Variants in TSC1 observed in about 807,000 individuals in gnomAD.
TSC1 encodes TSC complex subunit 1, also known as hamartin.
TSC1 carries 20 observed loss-of-function variants against 124.3 expected under a neutral mutation model. That is an observed-to-expected ratio of 0.16 (90% CI 0.11 to 0.23). The LOEUF is 0.23. Ranked by LOEUF, TSC1 falls within the 10% of genes least tolerant of loss-of-function variation. The pLI, the probability that TSC1 is intolerant of heterozygous loss-of-function variation, is 1.00. For synonymous variants in TSC1, 493 were observed against 539.1 expected (o/e 0.91, Z 1.19); for missense variants, 1,124 against 1,448.5 (o/e 0.78, Z 3.64).
At position 132,923,530 on chromosome 9, in the gene TSC1, G is replaced by T. The variant is rs1437837812; in HGVS notation, c.364-38C>A. The T allele has an allele frequency of 6.2e-7, 1 of 1,613,684 alleles. No individual in the cohort carries two copies. Among genetic ancestry groups the T allele is most frequent in the South Asian group, 1.1e-5 (1 of 91,068 alleles). The stretch of plus-strand genomic sequence containing the variant: ...AGGTCAAACAGGAAACGTCTGTCAG[G>T]CACTGGCACCAGGATCGGCATTGTA... On this transcript the variant is annotated intron_variant, in intron 5 of 22. Transcript: ENST00000298552. The surrounding 1 kb of genome is among the most constrained non-coding windows in gnomAD (Gnocchi z 4.2).
At position 132,896,071 on chromosome 9, in the gene TSC1, CAAAA is replaced by C; in HGVS notation, c.*160_*163del. On this transcript the variant is annotated 3_prime_UTR_variant, in exon 23 of 23. Coordinates refer to ENST00000298552, the MANE Select transcript of TSC1 (RefSeq NM_000368.5). The surrounding 1 kb of genome is among the most constrained non-coding windows in gnomAD (Gnocchi z 4.5). ...TCAAGAGGCATTTCAATGCCAGATC[CAAAA>C]ACCGTTCTGCATTCAGTCAGCTGTC... The C allele has an allele frequency of 1.7e-5, 18 of 1,060,146 alleles. No homozygotes were observed. Among genetic ancestry groups the C allele is most frequent in the African/African-American group, 4.6e-5 (3 of 64,626 alleles). 65.7% of individuals were successfully genotyped at this position (1,060,146 alleles called of 1,614,324 possible).
intron 8 of TSC1, among the ~76,000 whole-genome samples, chr9:132,914,480 T>C (rs1428066588): frequency 1.4e-4 from 22 of 152,166 alleles, no homozygotes; most frequent in Admixed American, 1.4e-3. Context: ...GTGTTCTTTA[T>C]TATGATTGGG....
chr9:132,942,748 TAA>T (rs1847806390), intron 1 of TSC1, among the ~76,000 whole-genome samples: 2 of 152,364 alleles, frequency 1.3e-5, no homozygotes, highest in Admixed American at 6.5e-5. Context: ...GCACGTGATA[TAA>T]GAGTGTTTTG....
intron 1 of TSC1, chr9:132,943,910 G>C (rs1366441380): frequency 6.6e-6 from 1 of 152,168 alleles, no homozygotes; most frequent in Non-Finnish European, 1.5e-5. Flanking sequence ...TGAACGCCTA[G>C]GAGGGGCTCT....
In TSC1 at chr9:132,893,622, G is replaced by A. The variant is rs1043359404; in HGVS notation, c.*2613C>T. The A allele has an allele frequency of 3.4e-5, 8 of 233,098 alleles. No homozygotes were observed. The highest frequency in any genetic ancestry group is 6.8e-5 in the Non-Finnish European group (8 of 117,998). The allele number at this position is 233,098 out of a possible 1,614,324, so 14.4% of individuals were successfully genotyped here. ...GGGGCCTGTGCTGACTCTGGTTAGT[G>A]TCAGGTGGGGATCCGAGTAGGTTAT... is the stretch of plus-strand genomic sequence containing the variant. On this transcript the variant is annotated 3_prime_UTR_variant, in exon 23 of 23. Transcript: ENST00000298552.
Position 132,928,962 on chromosome 9 carries a change from A to T in TSC1, c.-80-10T>A, listed in dbSNP as rs886063625. Reference sequence around the variant, plus strand: ...TGGGGCCACTACCAAACTGAGAAAAAGGAAGATGAACAGTCACTAAATGGC... The same window carrying T: ...TGGGGCCACTACCAAACTGAGAAAATGGAAGATGAACAGTCACTAAATGGC... On this transcript the variant is annotated splice_polypyrimidine_tract_variant and intron_variant, in intron 2 of 22. Transcript: ENST00000298552. The T allele has an allele frequency of 1.9e-6, 3 of 1,585,412 alleles. No homozygotes were observed. In the East Asian group the frequency reaches 6.9e-5, roughly 36 times the overall value.
chr9:132,913,093 C>T (rs900632417), intron 8 of TSC1, among the ~76,000 whole-genome samples: 5 of 152,020 alleles, frequency 3.3e-5, no homozygotes, highest in Non-Finnish European at 5.9e-5. Context: ...CACGTGCCAC[C>T]GTGCCTGGCT....
chr9:132,931,549 C>T (rs780187382), intron 2 of TSC1: 47 of 152,110 alleles, frequency 3.1e-4, no homozygotes, highest in Non-Finnish European at 6.0e-4. Flanking sequence ...CTACTGTTTA[C>T]CATAGTTTTT....
Position 132,907,385 on chromosome 9 carries a change from A to G in TSC1, c.1264-15T>C. ...ATTCTCTCTTCCTGAAAAGATAAGTATCATTTATATCACAAGACGAAAAAT... is the reference window on the plus strand; with the variant it reads ...ATTCTCTCTTCCTGAAAAGATAAGTGTCATTTATATCACAAGACGAAAAAT... On this transcript the variant is annotated splice_polypyrimidine_tract_variant and intron_variant, in intron 12 of 22. Coordinates refer to ENST00000298552, the MANE Select transcript of TSC1 (RefSeq NM_000368.5). The G allele has an allele frequency of 1.2e-6, 2 of 1,605,116 alleles. No individual in the cohort carries two copies. Among genetic ancestry groups the G allele is most frequent in the Non-Finnish European group, 1.7e-6 (2 of 1,171,756 alleles).
At chr9:132,931,416 T>C (rs1241161392) in intron 2 of TSC1, 1 of 152,180 alleles carries the variant, frequency 6.6e-6, no homozygotes, top group East Asian at 1.9e-4. Context: ...ATTTGCAAAG[T>C]AAGGTTTTAT....
intron 1 of TSC1, among the ~76,000 whole-genome samples, chr9:132,938,770 G>A (rs1030237326): frequency 1.2e-4 from 19 of 152,080 alleles, no homozygotes; most frequent in Non-Finnish European, 4.4e-5. Context: ...AAATACTAGT[G>A]GCAGATACCT....
chr9:132,910,889 G>A lies in TSC1; in HGVS notation c.1141+113C>T. The A allele has an allele frequency of 3.8e-6, 5 of 1,318,438 alleles. No homozygotes were observed. The East Asian group carries it at 9.4e-5, about 25-fold the overall frequency. The allele number at this position is 1,318,438 out of a possible 1,614,324, so 81.7% of individuals were successfully genotyped here. ...AAAGCCCCAGGGATTTGCAATAAGT[G>A]TCAAAAACAAGTTTACAACAGCAAG... On this transcript the variant is annotated intron_variant, in intron 11 of 22. Transcript: ENST00000298552.
intron 8 of TSC1, among the ~76,000 whole-genome samples, chr9:132,916,177 T>C (rs961033429): frequency 6.6e-6 from 1 of 152,202 alleles, no homozygotes; most frequent in Non-Finnish European, 1.5e-5. Flanking sequence ...TACTTGGCAT[T>C]TTTTTCTTTC....
rs1264782606 is a variant in TSC1, at chr9:132,921,859, C to T, written c.623G>A (p.Ser208Asn). The change falls in exon 7 of 23, where the codon AGT becomes AAT. Residue 208 changes from serine to asparagine, a missense_variant. This residue lies in a region of TSC1 where 463 missense variants were observed against 606.8 expected (regional missense o/e 0.76). Transcript: ENST00000298552. This position sits in a 1 kb window ranked among gnomAD's most constrained non-coding sequence, Gnocchi z 4.3. ...NFVSFLRSHYSMKENLETFEE... is the reference protein window; with the variant it reads ...NFVSFLRSHYNMKENLETFEE... ...AAAAGTCTCCAGGTTTTCTTTCATA[C>T]TGTAATGAGAACGCAAAAAGGAGAC... 1 of 1,614,036 alleles carries T rather than the reference C, an allele frequency of 6.2e-7. No individual in the cohort carries two copies. The highest frequency in any genetic ancestry group is 8.5e-7 in the Non-Finnish European group (1 of 1,180,030).
chr9:132,910,973 T>A (rs914818615), intron 11 of TSC1, 29 bp downstream of exon 11: 9 of 1,601,950 alleles, frequency 5.6e-6, no homozygotes, highest in Admixed American at 3.3e-5. Context: ...CAAAACCAAC[T>A]AATCAAATCC....
intron 19 of TSC1, among the ~76,000 whole-genome samples, chr9:132,901,260 A>C (rs908145604): frequency 6.6e-6 from 1 of 152,268 alleles, no homozygotes; most frequent in Non-Finnish European, 1.5e-5. Flanking sequence ...ACATTTATGT[A>C]AACAAGGTAT....
At chr9:132,934,995 C>T (rs535224524) in intron 2 of TSC1, 38 bp downstream of exon 2, 3 of 398,962 alleles carry the variant, frequency 7.5e-6, no homozygotes, top group African/African-American at 4.1e-5. Flanking sequence ...ATAATTCCCT[C>T]CCATCTTCCT....
intron 9 of TSC1, among the ~76,000 whole-genome samples, chr9:132,911,867 C>G (rs577119389): frequency 6.6e-6 from 1 of 152,236 alleles, no homozygotes; most frequent in East Asian, 1.9e-4. Flanking sequence ...CTGCAACCCA[C>G]AAATAAAGCC....
At chr9:132,925,506 G>A (rs1846801994) in intron 5 of TSC1, 81 bp downstream of exon 5, 1 of 1,560,156 alleles carries the variant, frequency 6.4e-7, no homozygotes. Context: ...TTAAAATCTA[G>A]CTTCCTTGCT....
Sources: gnomAD v4.1 joint callset for allele counts (sites outside exome capture counted in the v4.1 genomes callset) on GRCh38, gnomAD v4.1.1 for gene constraint, gnomAD v4.1.1 regional missense constraint, Gnocchi (gnomAD v3.1) non-coding constraint, MANE v1.5 for transcripts, NCBI Gene and HGNC (gene_info 2026-07-23, HGNC 2026-07-21) for gene names.